Variants in MYRIP observed in about 807,000 individuals in gnomAD.
MYRIP encodes the protein rab effector MyRIP.
A neutral mutation model predicts 98.0 loss-of-function variants in MYRIP; 49 were observed. The observed-to-expected ratio is 0.50, with a 90% CI of 0.40 to 0.63. The LOEUF is 0.63. Ranked by LOEUF, MYRIP falls within the 30% of genes least tolerant of loss-of-function variation. MYRIP has a pLI of 0.00. For synonymous variants in MYRIP, 404 were observed against 409.5 expected, an observed-to-expected ratio of 0.99 and a Z score of 0.16; for missense variants, 1,004 against 1,058.2, an observed-to-expected ratio of 0.95 and a Z score of 0.71.
chr3:39,870,919 A>C (rs922007025), intron 1 of MYRIP, among the ~76,000 whole-genome samples: 1 of 152,220 alleles, frequency 6.6e-6, no homozygotes, highest in African/African-American at 2.4e-5. Context: ...GTATGGAATG[A>C]ATGATGTCAT....
At chr3:40,113,911 G>A (rs1275660504) in intron 3 of MYRIP, among the ~76,000 whole-genome samples, 5 of 151,528 alleles carry the variant, frequency 3.3e-5, no homozygotes, top group African/African-American at 9.7e-5. Flanking sequence ...GGATGGTCTC[G>A]ATCTCCTGAC....
intron 2 of MYRIP, among the ~76,000 whole-genome samples, chr3:39,989,767 G>T (rs1168990135): frequency 6.6e-6 from 1 of 152,218 alleles, no homozygotes; most frequent in African/African-American, 2.4e-5. Flanking sequence ...TCAAGGTCAG[G>T]CCTGAAGAGG....
chr3:40,031,072 A>G (rs965518704), intron 2 of MYRIP, among the ~76,000 whole-genome samples: 43 of 152,124 alleles, frequency 2.8e-4, no homozygotes, highest in African/African-American at 9.9e-4. Context: ...AATATCATAG[A>G]CTGGGTGGCT....
intron 6 of MYRIP, 107 bp downstream of exon 6, chr3:40,167,050 T>G: frequency 7.3e-7 from 1 of 1,366,830 alleles, no homozygotes; most frequent in East Asian, 2.3e-5. Flanking sequence ...CAGCTCTGAC[T>G]AGAGCAAGGC....
intron 8 of MYRIP, among the ~76,000 whole-genome samples, chr3:40,181,739 A>G (rs1648576710): frequency 6.6e-6 from 1 of 152,098 alleles, no homozygotes; most frequent in African/African-American, 2.4e-5. Context: ...CATTTCTGCC[A>G]CTTATCCTTA....
intron 12 of MYRIP, among the ~76,000 whole-genome samples, chr3:40,238,375 T>C (rs1295444571): frequency 6.6e-6 from 1 of 152,236 alleles, no homozygotes; most frequent in Non-Finnish European, 1.5e-5. Context: ...GTTCTTAAAC[T>C]GTCCTCTGGG....
intron 2 of MYRIP, among the ~76,000 whole-genome samples, chr3:39,944,889 C>G (rs1394140999): frequency 1.3e-5 from 2 of 152,044 alleles, no homozygotes; most frequent in Non-Finnish European, 2.9e-5. Flanking sequence ...TTCTGTCTAT[C>G]ACTATATGAC....
intron 1 of MYRIP, among the ~76,000 whole-genome samples, chr3:39,861,374 A>G (rs1265907549): frequency 1.3e-5 from 2 of 152,254 alleles, no homozygotes; most frequent in Non-Finnish European, 2.9e-5. Context: ...TTAAAGGACC[A>G]TCAGCCCACA....
chr3:39,914,146 C>T (rs754082518), intron 2 of MYRIP, among the ~76,000 whole-genome samples: 7 of 152,084 alleles, frequency 4.6e-5, no homozygotes, highest in South Asian at 2.1e-4. Context: ...ATAGATCCTA[C>T]TTAAAATTAA....
chr3:40,139,962 T>C (rs1261962030), intron 3 of MYRIP, among the ~76,000 whole-genome samples: 1 of 152,230 alleles, frequency 6.6e-6, no homozygotes, highest in Non-Finnish European at 1.5e-5. Context: ...TGATGAACAT[T>C]TAATTAGTTT....
intron 9 of MYRIP, among the ~76,000 whole-genome samples, chr3:40,186,346 A>G (rs1951034512): frequency 6.6e-6 from 1 of 152,186 alleles, no homozygotes; most frequent in Non-Finnish European, 1.5e-5. Flanking sequence ...GAGGATCTGA[A>G]GACCTATAGT....
At chr3:40,023,909 T>G (rs566791329) in intron 2 of MYRIP, among the ~76,000 whole-genome samples, 1 of 152,310 alleles carries the variant, frequency 6.6e-6, no homozygotes, top group Non-Finnish European at 1.5e-5. Context: ...TAACAGGGTG[T>G]CATGGGTTTA....
At chr3:40,244,711 C>A (rs1953133738) in intron 13 of MYRIP, 104 bp downstream of exon 13, 3 of 1,251,392 alleles carry the variant, frequency 2.4e-6, no homozygotes, top group Non-Finnish European at 3.2e-6. Flanking sequence ...CAGCTCCCAT[C>A]ATCTCCAGCA....
chr3:40,040,984 AAAAAAAAAAG>A (rs1485951892), intron 2 of MYRIP, among the ~76,000 whole-genome samples: 35 of 96,068 alleles, frequency 3.6e-4, no homozygotes, highest in African/African-American at 9.5e-4. Flanking sequence ...AGTATAATAA[AAAAAAAAAAG>A]AAAAAAAAAA....
intron 3 of MYRIP, among the ~76,000 whole-genome samples, chr3:40,111,675 C>T (rs763207112): frequency 6.6e-6 from 1 of 151,972 alleles, no homozygotes; most frequent in African/African-American, 2.4e-5. Flanking sequence ...TCTGAGTCCC[C>T]AGTCCACACC....
At chr3:39,928,720 A>T (rs894273925) in intron 2 of MYRIP, among the ~76,000 whole-genome samples, 8 of 151,922 alleles carry the variant, frequency 5.3e-5, no homozygotes, top group Non-Finnish European at 8.8e-5. Flanking sequence ...ACCTACAGCT[A>T]CCACTGTACT....
At chr3:40,118,009 T>A (rs1949318893) in intron 3 of MYRIP, among the ~76,000 whole-genome samples, 1 of 108,904 alleles carries the variant, frequency 9.2e-6, no homozygotes, top group Admixed American at 1.1e-4. Context: ...ATAGAAATAC[T>A]CCTACAAATC....
chr3:40,202,803 A>G (rs1055594483), intron 10 of MYRIP, among the ~76,000 whole-genome samples: 2 of 152,166 alleles, frequency 1.3e-5, no homozygotes, highest in South Asian at 2.1e-4. Flanking sequence ...TCCCGTGCAC[A>G]GTGCCCTGTA....
chr3:40,136,556 T>C lies in MYRIP; in HGVS notation c.333-14492T>C, dbSNP rs1030458042. Reference sequence around the variant, plus strand: ...GACCTAATAGACATCTACAGAACTCTCCACCCCAAATCAACAGAATATACA... The same window carrying C: ...GACCTAATAGACATCTACAGAACTCCCCACCCCAAATCAACAGAATATACA... On this transcript the variant is annotated intron_variant, in intron 3 of 16. Transcript: ENST00000302541. 2.0e-5 allele frequency among the ~76,000 whole-genome samples: 3 copies of C among 152,134 alleles called. No individual in the cohort carries two copies. The South Asian group carries it at 6.2e-4, about 32-fold the overall frequency.
Sources: gnomAD v4.1 joint callset for allele counts (sites outside exome capture counted in the v4.1 genomes callset) on GRCh38, gnomAD v4.1.1 for gene constraint, MANE v1.5 for transcripts, NCBI Gene and HGNC (gene_info 2026-07-23, HGNC 2026-07-21) for gene names.